VPS13A: variants seen among roughly 807,000 people sequenced by gnomAD.
The protein encoded by VPS13A is vacuolar protein sorting 13 homolog A.
In VPS13A, 264 loss-of-function variants were observed where a neutral mutation model predicts 390.9. The ratio of observed to expected loss-of-function variants is 0.68; its 90% CI spans 0.61 to 0.75. The LOEUF (loss-of-function observed/expected upper bound fraction) is 0.75, where lower values mean the gene tolerates loss of function less well. Among genes scored for constraint, VPS13A ranks in the 30% least tolerant of loss-of-function variants. VPS13A has a pLI of 0.00. For synonymous variants in VPS13A, 1,231 were observed against 1,227.1 expected (o/e 1.00, Z -0.07); for missense variants, 3,409 against 3,733.9 (o/e 0.91, Z 2.27).
chr9:77,374,123 C>A (rs1312380375), intron 67 of VPS13A, among the ~76,000 whole-genome samples: 1 of 152,132 alleles, frequency 6.6e-6, no homozygotes, highest in Non-Finnish European at 1.5e-5. Flanking sequence ...AGTTTGTCTT[C>A]ACCCTTCCTT....
At chr9:77,216,877 A>G (rs1466758664) in intron 10 of VPS13A, among the ~76,000 whole-genome samples, 2 of 152,150 alleles carry the variant, frequency 1.3e-5, no homozygotes, top group Non-Finnish European at 2.9e-5. Context: ...CACAGGAGAA[A>G]GATGTAGGCT....
Position 77,353,719 on chromosome 9 carries a change from A to G in VPS13A, c.7652+78A>G. 3.0e-6 allele frequency: 4 copies of G among 1,350,168 alleles called. No individual in the cohort carries two copies. The South Asian group carries it at 5.0e-5, about 17-fold the overall frequency. The allele number at this position is 1,350,168 out of a possible 1,614,324, so 83.6% of individuals were successfully genotyped here. On this transcript the variant is annotated intron_variant, in intron 54 of 71. Coordinates refer to ENST00000360280, the MANE Select transcript of VPS13A (RefSeq NM_033305.3). The stretch of plus-strand genomic sequence containing the variant: ...AGAAATTGTTATTGTAAAATCTCAA[A>G]TGATTTAGTTTCAGTTTTGTGCTTT...
intron 16 of VPS13A, among the ~76,000 whole-genome samples, chr9:77,227,716 A>G (rs970163465): frequency 3.6e-5 from 5 of 137,990 alleles, no homozygotes; most frequent in Non-Finnish European, 7.8e-5. Context: ...TTTTTTTTTG[A>G]TAGAGATGGG....
At chr9:77,374,949 C>T (rs1354662034) in intron 67 of VPS13A, among the ~76,000 whole-genome samples, 2 of 152,002 alleles carry the variant, frequency 1.3e-5, no homozygotes, top group East Asian at 3.9e-4. Flanking sequence ...TCCTCTTAAG[C>T]CAGTATTTCA....
At chr9:77,253,955 T>TG in intron 22 of VPS13A, among the ~76,000 whole-genome samples, 1 of 139,688 alleles carries the variant, frequency 7.2e-6, no homozygotes, top group Non-Finnish European at 1.6e-5. Context: ...TTTTTTTTTT[T>TG]TTTTTTTGAG....
intron 67 of VPS13A, among the ~76,000 whole-genome samples, chr9:77,381,303 C>G (rs1798734107): frequency 6.6e-6 from 1 of 151,962 alleles, no homozygotes. Context: ...TTTTGTAGAG[C>G]AGTGTATGCT....
At chr9:77,224,415 C>T (rs958858288) in intron 13 of VPS13A, among the ~76,000 whole-genome samples, 22 of 152,084 alleles carry the variant, frequency 1.4e-4, no homozygotes, top group Non-Finnish European at 2.5e-4. Context: ...ATTCTATATG[C>T]CATTAAGAAT....
In VPS13A at chr9:77,365,463, G is replaced by T; in HGVS notation, c.8215G>T (p.Glu2739Ter). Residue 2739 changes from glutamate (E) to a stop codon, truncating the protein, a stop_gained, in exon 60 of 72, where the codon GAG (glutamate) becomes TAG (stop). Transcript: ENST00000360280. LOFTEE classifies it high-confidence loss of function. ...ATATTTTGTGTTCCTTTTATAGGTT[G>T]AGCTTTTTCATAAAGATATAGAAGC... is the stretch of plus-strand genomic sequence containing the variant. ...EAEVTENTEVELFHKDIEAFK... is the reference protein window; with the variant it reads ...EAEVTENTEV 1 of 1,596,550 alleles carries T rather than the reference G, an allele frequency of 6.3e-7. No individual in the cohort carries two copies. The highest frequency in any genetic ancestry group is 8.6e-7 in the Non-Finnish European group (1 of 1,164,798).
At chr9:77,333,924 A>G (rs943736404) in intron 46 of VPS13A, among the ~76,000 whole-genome samples, 15 of 152,342 alleles carry the variant, frequency 9.8e-5, no homozygotes, top group African/African-American at 3.4e-4. Context: ...GCATGTGGCT[A>G]TTGCCATCAA....
chr9:77,205,460 GA>G (rs1168492709), intron 4 of VPS13A, 52 bp downstream of exon 4: 15 of 862,874 alleles, frequency 1.7e-5, no homozygotes, highest in Admixed American at 6.3e-5. Context: ...TTTATGGATG[GA>G]AAAATATTTA....
intron 23 of VPS13A, among the ~76,000 whole-genome samples, chr9:77,261,824 A>G (rs1175062060): frequency 6.6e-6 from 1 of 152,082 alleles, no homozygotes; most frequent in African/African-American, 2.4e-5. Flanking sequence ...ACCTCAAGTG[A>G]TCTGCCTGCA....
chr9:77,403,197 C>T, intron 68 of VPS13A, 39 bp from the exon 69 acceptor site: 1 of 1,464,226 alleles, frequency 6.8e-7, no homozygotes, highest in Non-Finnish European at 9.5e-7. Flanking sequence ...GTAGGAAATA[C>T]TATCAATTTT....
rs2131546441 is a variant in VPS13A, at chr9:77,353,521, CAT to C, written c.7535_7536del (p.Tyr2512Ter). 1 of 1,613,202 alleles carries C rather than the reference CAT, an allele frequency of 6.2e-7. No individual in the cohort carries two copies. The highest frequency in any genetic ancestry group is 2.2e-5 in the East Asian group (1 of 44,754). The stretch of plus-strand genomic sequence containing the variant: ...GAAGATCCAAGGGTATTTAAAGTAA[CAT>C]ATGAAAGTGAGAAAGCAGAGTTAGC... On this transcript the variant is annotated frameshift_variant, in exon 54 of 72. Transcript: ENST00000360280. LOFTEE classifies it high-confidence loss of function.
rs779262536 is a variant in VPS13A, at chr9:77,220,292, G to C, written c.898G>C (p.Glu300Gln). 1 of 1,611,500 alleles carries C rather than the reference G, an allele frequency of 6.2e-7. No individual in the cohort carries two copies. The highest frequency in any genetic ancestry group is 8.5e-7 in the Non-Finnish European group (1 of 1,178,728). The stretch of plus-strand genomic sequence containing the variant: ...CATTCTTTAGTATTTCAGTATTATG[G>C]AGCTTCTTGAATCAGTTGATATGAT... ...FNKPQYFSIMELLESVDMMAQ... is the reference protein window; with the variant it reads ...FNKPQYFSIMQLLESVDMMAQ... Residue 300 changes from glutamate (E) to glutamine (Q), a missense_variant, in exon 12 of 72, where the codon GAG becomes CAG. Glu to Gln is a conservative substitution (Grantham distance 29). Transcript: ENST00000360280.
intron 1 of VPS13A, among the ~76,000 whole-genome samples, chr9:77,188,511 C>T (rs1824480608): frequency 6.6e-6 from 1 of 152,080 alleles, no homozygotes; most frequent in Non-Finnish European, 1.5e-5. Context: ...TTATCCAGTC[C>T]ACTGTTGACA....
At chr9:77,177,869 GGCGTCCT>G (rs1823735123) in intron 1 of VPS13A, 65 bp downstream of exon 1, 1 of 1,452,084 alleles carries the variant, frequency 6.9e-7, no homozygotes, top group East Asian at 2.4e-5. Context: ...CTGCCCGAGC[GGCGTCCT>G]GCGTTCTCGG....
intron 45 of VPS13A, among the ~76,000 whole-genome samples, 183 bp from the exon 46 acceptor site, chr9:77,331,827 A>G (rs899848382): frequency 7.2e-5 from 11 of 152,028 alleles, no homozygotes; most frequent in Non-Finnish European, 5.9e-5. Context: ...ATATAAAACT[A>G]TAGAGATTTT....
intron 68 of VPS13A, among the ~76,000 whole-genome samples, chr9:77,386,254 T>A (rs955260229): frequency 4.6e-5 from 7 of 152,346 alleles, no homozygotes; most frequent in African/African-American, 1.7e-4. Context: ...TTCTAAAATC[T>A]AGAAAGAATA....
chr9:77,344,258 A>G lies in VPS13A; in HGVS notation c.7132A>G (p.Ile2378Val), dbSNP rs1486898936. 1 of 1,613,488 alleles carries G rather than the reference A, an allele frequency of 6.2e-7. No homozygotes were observed. Among genetic ancestry groups the G allele is most frequent in the East Asian group, 2.2e-5 (1 of 44,744 alleles). ...RIYFNKQENC[I>V]LLRLDNELGG... ...ATATTTTAACAAGCAGGAAAATTGT[A>G]TTCTATTGCGTCTAGATAACGAGGT... Residue 2378 changes from isoleucine (I) to valine (V), a missense_variant, in exon 51 of 72, where the codon ATT becomes GTT. Physicochemically the swap from Ile to Val is conservative, Grantham distance 29 (BLOSUM62 3). Coordinates refer to ENST00000360280, the MANE Select transcript of VPS13A (RefSeq NM_033305.3).
Sources: gnomAD v4.1 joint callset for allele counts (sites outside exome capture counted in the v4.1 genomes callset) on GRCh38, gnomAD v4.1.1 for gene constraint, MANE v1.5 for transcripts, NCBI Gene and HGNC (gene_info 2026-07-23, HGNC 2026-07-21) for gene names.